Variants in GUCY1A1 observed in about 807,000 individuals in gnomAD.
GUCY1A1 encodes guanylate cyclase 1 soluble subunit alpha 1, also known as guanylate cyclase soluble subunit alpha-1.
Under a neutral mutation model 64.5 loss-of-function variants are expected in GUCY1A1, and 48 were observed. The observed-to-expected ratio is 0.74, with a 90% confidence interval of 0.59 to 0.95. GUCY1A1 has a LOEUF of 0.95. GUCY1A1 is among the 40% of genes least tolerant of loss of function. The pLI is 0.00. For synonymous variants in GUCY1A1, 308 were observed against 303.4 expected (o/e 1.02, Z -0.16); for missense variants, 804 against 825.3 (o/e 0.97, Z 0.32).
chr4:155,730,271 C>T lies in GUCY1A1; in HGVS notation c.*40C>T. 7.6e-7 allele frequency: 1 copy of T among 1,317,326 alleles called. No individual in the cohort carries two copies. The highest frequency in any genetic ancestry group is 2.3e-5 in the East Asian group (1 of 43,160). The allele number at this position is 1,317,326 out of a possible 1,614,324, so 81.6% of individuals were successfully genotyped here. ...ATTTATAAGTCTTTGGGGTTTGACT[C>T]ATTGAAGATGTGTAGAGCCTCTGAA... is the stretch of plus-strand genomic sequence containing the variant. On this transcript the variant is annotated 3_prime_UTR_variant, in exon 10 of 10. Coordinates refer to ENST00000506455, the MANE Select transcript of GUCY1A1 (RefSeq NM_001130682.3).
At chr4:155,696,203 C>T (rs1730383672) in intron 2 of GUCY1A1, among the ~76,000 whole-genome samples, 1 of 152,076 alleles carries the variant, frequency 6.6e-6, no homozygotes, top group African/African-American at 2.4e-5. Flanking sequence ...TTGCCATAAT[C>T]ATCTTCATTG....
intron 2 of GUCY1A1, among the ~76,000 whole-genome samples, chr4:155,688,940 G>A (rs566129351): frequency 2.7e-4 from 41 of 151,912 alleles, no homozygotes; most frequent in Non-Finnish European, 5.4e-4. Flanking sequence ...CTATAAGACA[G>A]CCTTGAGTCT....
chr4:155,722,166 A>G lies in GUCY1A1; in HGVS notation c.1845A>G (p.Lys615=). 6.2e-7 allele frequency: 1 copy of G among 1,612,948 alleles called. No individual in the cohort carries two copies. Among genetic ancestry groups the G allele is most frequent in the Admixed American group, 1.7e-5 (1 of 59,944 alleles). Residue 615 remains lysine (K), a synonymous_variant, in exon 9 of 10, where the codon AAA becomes AAG. Transcript: ENST00000506455. The part of the protein sequence containing the change: ...NKFESCSVPR[K]INVSPTTYRL... Reference sequence around the variant, plus strand: ...TTGAGTCCTGCAGTGTACCACGAAAAATCAATGTCAGCCCAACAACTTACA... The same window carrying G: ...TTGAGTCCTGCAGTGTACCACGAAAGATCAATGTCAGCCCAACAACTTACA...
chr4:155,696,176 G>A (rs1355648075), intron 2 of GUCY1A1, among the ~76,000 whole-genome samples: 1 of 152,056 alleles, frequency 6.6e-6, no homozygotes, highest in Non-Finnish European at 1.5e-5. Flanking sequence ...ACCATTTAAA[G>A]TGATAAAATT....
intron 9 of GUCY1A1, among the ~76,000 whole-genome samples, chr4:155,726,104 A>T (rs1435534959): frequency 6.6e-6 from 1 of 152,004 alleles, no homozygotes; most frequent in Non-Finnish European, 1.5e-5. Context: ...CATTTGCTGA[A>T]GTCATTTCTA....
At chr4:155,711,343 A>G in intron 6 of GUCY1A1, 92 bp downstream of exon 6, 1 of 645,400 alleles carries the variant, frequency 1.5e-6, no homozygotes, top group South Asian at 2.1e-5. Flanking sequence ...ATCACTTCAA[A>G]TGTTTGATAA....
chr4:155,719,772 C>T (rs1005840231), intron 8 of GUCY1A1, among the ~76,000 whole-genome samples: 3 of 152,012 alleles, frequency 2.0e-5, no homozygotes, highest in Non-Finnish European at 2.9e-5. Flanking sequence ...CAAGTGAACA[C>T]GGAAGCAAAC....
Position 155,730,352 on chromosome 4 carries a change from G to T in GUCY1A1, c.*121G>T. 1 of 579,324 alleles carries T rather than the reference G, an allele frequency of 1.7e-6. No individual in the cohort carries two copies. Among genetic ancestry groups the T allele is most frequent in the Non-Finnish European group, 3.1e-6 (1 of 326,350 alleles). 35.9% of individuals were successfully genotyped at this position (579,324 alleles called of 1,614,324 possible). A position where few individuals can be genotyped will look rare whatever the true frequency, so the allele number is the denominator to read the frequency against. On this transcript the variant is annotated 3_prime_UTR_variant, in exon 10 of 10. Transcript: ENST00000506455. ...GCAGTATTAAAATTTCAGGAGCCAA[G>T]TCACAATCTTTCTCCTGTTTAACAT...
chr4:155,688,723 A>G (rs1315709880), intron 2 of GUCY1A1, among the ~76,000 whole-genome samples: 1 of 152,160 alleles, frequency 6.6e-6, no homozygotes, highest in African/African-American at 2.4e-5. Flanking sequence ...AAATAAAAGG[A>G]CTTAGGGAAA....
At chr4:155,691,966 C>T (rs1729795998) in intron 2 of GUCY1A1, among the ~76,000 whole-genome samples, 1 of 152,056 alleles carries the variant, frequency 6.6e-6, no homozygotes, top group Non-Finnish European at 1.5e-5. Flanking sequence ...GTCCAAAAGG[C>T]CCCAGTGAGT....
At chr4:155,702,286 A>G (rs1393267979) in intron 3 of GUCY1A1, among the ~76,000 whole-genome samples, 1 of 152,188 alleles carries the variant, frequency 6.6e-6, no homozygotes, top group Non-Finnish European at 1.5e-5. Context: ...GCAGGAACAA[A>G]TAATTCATAG....
chr4:155,703,185 A>G (rs562901646), intron 3 of GUCY1A1, among the ~76,000 whole-genome samples: 1 of 152,298 alleles, frequency 6.6e-6, no homozygotes, highest in Non-Finnish European at 1.5e-5. Context: ...CTTACATACA[A>G]ATGTCTTGCA....
At chr4:155,694,129 A>G (rs1730120347) in intron 2 of GUCY1A1, among the ~76,000 whole-genome samples, 1 of 152,190 alleles carries the variant, frequency 6.6e-6, no homozygotes, top group Admixed American at 6.5e-5. Flanking sequence ...AAATAGTGGC[A>G]TTCAGTTAAT....
intron 4 of GUCY1A1, among the ~76,000 whole-genome samples, chr4:155,707,777 G>C (rs1731979420): frequency 1.3e-5 from 2 of 151,662 alleles, no homozygotes; most frequent in African/African-American, 4.8e-5. Flanking sequence ...TCATAAAATT[G>C]ATAGTCAAGA....
At chr4:155,699,726 T>C (rs2126764009) in intron 3 of GUCY1A1, among the ~76,000 whole-genome samples, 1 of 152,308 alleles carries the variant, frequency 6.6e-6, no homozygotes, top group South Asian at 2.1e-4. Context: ...AGTTTATAGA[T>C]TTAATGCTTA....
intron 2 of GUCY1A1, among the ~76,000 whole-genome samples, chr4:155,680,969 A>G (rs994855004): frequency 1.4e-5 from 2 of 142,302 alleles, no homozygotes; most frequent in African/African-American, 6.0e-5. Context: ...ACACACATGC[A>G]CACACACACA....
chr4:155,668,884 ATCT>A (rs10550221), intron 2 of GUCY1A1, among the ~76,000 whole-genome samples: 67,357 of 151,790 alleles, frequency 0.44, 15,275 homozygotes, highest in African/African-American at 0.51. Flanking sequence ...TGGGTCCGTG[ATCT>A]TCTTCAAGGG....
At chr4:155,726,469 G>A (rs1734688348) in intron 9 of GUCY1A1, among the ~76,000 whole-genome samples, 1 of 151,926 alleles carries the variant, frequency 6.6e-6, no homozygotes, top group Non-Finnish European at 1.5e-5. Context: ...TAAAGAAGGT[G>A]TACAAGCACA....
At chr4:155,685,325 C>T (rs1322856177) in intron 2 of GUCY1A1, among the ~76,000 whole-genome samples, 2 of 152,192 alleles carry the variant, frequency 1.3e-5, no homozygotes, top group Non-Finnish European at 2.9e-5. Flanking sequence ...AAGGCTTTGC[C>T]AGTCATGTGA....
Sources: gnomAD v4.1 joint callset for allele counts (sites outside exome capture counted in the v4.1 genomes callset) on GRCh38, gnomAD v4.1.1 for gene constraint, MANE v1.5 for transcripts, NCBI Gene and HGNC (gene_info 2026-07-23, HGNC 2026-07-21) for gene names.